The following TRPC4AP variants were observed in gnomAD, a reference collection of about 807,000 sequenced individuals.
TRPC4AP encodes short transient receptor potential channel 4-associated protein.
A neutral mutation model predicts 99.0 loss-of-function variants in TRPC4AP; 45 were observed. That is an observed-to-expected ratio of 0.45 (90% confidence interval 0.36 to 0.58). The LOEUF (loss-of-function observed/expected upper bound fraction) is 0.58. Ranked by LOEUF, TRPC4AP falls within the 20% of genes least tolerant of loss-of-function variation. TRPC4AP has a pLI of 0.00. For synonymous variants in TRPC4AP, 408 were observed against 385.8 expected (o/e 1.06, Z -0.67); for missense variants, 879 against 985.3 (o/e 0.89, Z 1.44).
intron 1 of TRPC4AP, 143 bp downstream of exon 1, chr20:35,092,471 C>T: frequency 9.9e-7 from 1 of 1,007,242 alleles, no homozygotes; most frequent in Non-Finnish European, 1.4e-6. Flanking sequence ...CTGAGAGCGT[C>T]CGGGCAGCTC....
Position 35,057,542 on chromosome 20 carries a change from C to G in TRPC4AP, c.444G>C (p.Thr148=). The G allele has an allele frequency of 1.9e-6, 3 of 1,611,442 alleles. No individual in the cohort carries two copies. Among genetic ancestry groups the G allele is most frequent in the Non-Finnish European group, 2.5e-6 (3 of 1,178,506 alleles). The change falls in exon 4 of 19, where the codon ACG becomes ACC. Residue 148 remains threonine, a synonymous_variant. Transcript: ENST00000252015. ...TCAGTTTCTGTCCCCGGATAGAGAT[C>G]GTAGGCCTCATAAGAATTTCTACAA... ...DLLVEILMRP[T]ISIRGQKLKI...
At chr20:35,044,982 T>C (rs1320389314) in intron 6 of TRPC4AP, among the ~76,000 whole-genome samples, 1 of 152,192 alleles carries the variant, frequency 6.6e-6, no homozygotes, top group African/African-American at 2.4e-5. Flanking sequence ...TTTTCAATTG[T>C]TCTTGTGGTA....
Sources: allele counts gnomAD v4.1 joint callset (sites outside exome capture counted in the v4.1 genomes callset), GRCh38; gene constraint gnomAD v4.1.1; transcripts MANE v1.5; gene names NCBI Gene and HGNC (gene_info 2026-07-23, HGNC 2026-07-21).